ABLIM3: variants seen among roughly 807,000 people sequenced by gnomAD.
The protein encoded by ABLIM3 is actin-binding LIM protein 3.
A neutral mutation model predicts 109.5 loss-of-function variants in ABLIM3; 61 were observed. The ratio of observed to expected loss-of-function variants is 0.56; its 90% CI spans 0.45 to 0.69. The LOEUF (loss-of-function observed/expected upper bound fraction) is 0.69, where lower values mean the gene tolerates loss of function less well. ABLIM3 is among the 30% of genes least tolerant of loss of function. The pLI is 0.00. For synonymous variants in ABLIM3, 300 were observed against 324.8 expected, an observed-to-expected ratio of 0.92 and a Z score of 0.82; for missense variants, 796 against 889.5, an observed-to-expected ratio of 0.89 and a Z score of 1.34.
At chr5:149,240,835 C>G in intron 14 of ABLIM3, 61 bp downstream of exon 14, 1 of 1,493,384 alleles carries the variant, frequency 6.7e-7, no homozygotes, top group Non-Finnish European at 9.3e-7. Flanking sequence ...TCACAGGTGC[C>G]TGAGTCACCC....
intron 5 of ABLIM3, among the ~76,000 whole-genome samples, chr5:149,204,665 G>A (rs142252988): frequency 2.8e-4 from 43 of 152,316 alleles, no homozygotes; most frequent in Non-Finnish European, 5.7e-4. Flanking sequence ...GGATTCATAT[G>A]GGCCAAGCAT....
chr5:149,183,303 C>T lies in ABLIM3; in HGVS notation c.14-149C>T, dbSNP rs556220732. 3.3e-4 allele frequency: 309 copies of T among 940,978 alleles called. 5 individuals are homozygous for T. In the South Asian group the frequency reaches 6.3e-3, roughly 19 times the overall value. 58.3% of individuals were successfully genotyped at this position (940,978 alleles called of 1,614,324 possible). On this transcript the variant is annotated intron_variant, in intron 2 of 23. Coordinates refer to ENST00000309868, the MANE Select transcript of ABLIM3 (RefSeq NM_014945.5). ...ACCACTCAGTGCTGCCTTAGCTTGG[C>T]AGTCATCCTGATGATGAATTGAAGA...
At chr5:149,188,102 A>C (rs1017443422) in intron 3 of ABLIM3, among the ~76,000 whole-genome samples, 2 of 152,232 alleles carry the variant, frequency 1.3e-5, no homozygotes, top group Admixed American at 1.3e-4. Flanking sequence ...TGTAAGATCA[A>C]AAACAAGACA....
chr5:149,234,580 T>A (rs1447723303), intron 10 of ABLIM3, among the ~76,000 whole-genome samples: 1 of 152,140 alleles, frequency 6.6e-6, no homozygotes, highest in African/African-American at 2.4e-5. Flanking sequence ...AGAAAAACAC[T>A]TAAGAGTTAT....
In ABLIM3 at chr5:149,259,304, A is replaced by G. The variant is rs1754708631; in HGVS notation, c.*900A>G. 2 of 1,385,080 alleles carry G rather than the reference A, an allele frequency of 1.4e-6. No individual in the cohort carries two copies. Among genetic ancestry groups the G allele is most frequent in the Admixed American group, 3.0e-5 (1 of 33,276 alleles). The allele number at this position is 1,385,080 out of a possible 1,614,324, so 85.8% of individuals were successfully genotyped here. A position where few individuals can be genotyped will look rare whatever the true frequency, so the allele number is the denominator to read the frequency against. ...GGAGAAGCCCATGATTGCAGCTTGT[A>G]TTCTTTAGCCTTATTACAATCTATG... is the stretch of plus-strand genomic sequence containing the variant. On this transcript the variant is annotated 3_prime_UTR_variant, in exon 24 of 24. Coordinates refer to ENST00000309868, the MANE Select transcript of ABLIM3 (RefSeq NM_014945.5).
intron 1 of ABLIM3, 42 bp from the exon 2 acceptor site, chr5:149,141,967 G>A: frequency 3.8e-6 from 5 of 1,327,616 alleles, no homozygotes; most frequent in Non-Finnish European, 5.4e-6. Context: ...GAGAGCACCT[G>A]AGGATACAGA....
intron 2 of ABLIM3, among the ~76,000 whole-genome samples, chr5:149,144,120 A>G (rs1027452008): frequency 3.3e-5 from 5 of 152,262 alleles, no homozygotes; most frequent in Non-Finnish European, 5.9e-5. Context: ...TGGATACTGC[A>G]GAATATGAGG....
chr5:149,209,452 G>A (rs553275125), intron 6 of ABLIM3, among the ~76,000 whole-genome samples: 27 of 152,184 alleles, frequency 1.8e-4, no homozygotes, highest in Non-Finnish European at 4.4e-5. Flanking sequence ...GAGAGAAGAT[G>A]ATCTACCTGT....
Position 149,201,950 on chromosome 5 carries a change from C to T in ABLIM3, c.448+1522C>T, listed in dbSNP as rs78817065. The stretch of plus-strand genomic sequence containing the variant: ...AAAGAGGGATGGAATTTCCTATCTT[C>T]CTCACAGGAGCGTTGGGGAAAGCAA... On this transcript the variant is annotated intron_variant, in intron 5 of 23. Transcript: ENST00000309868. Among the ~76,000 whole-genome samples, 976 of 152,324 alleles carry T rather than the reference C, an allele frequency of 6.4e-3. 11 individuals are homozygous for T. Among genetic ancestry groups the T allele is most frequent in the African/African-American group, 0.022 (923 of 41,576 alleles).
intron 11 of ABLIM3, among the ~76,000 whole-genome samples, chr5:149,238,903 CA>C (rs34577546): frequency 0.41 from 61,734 of 151,978 alleles, 12,874 homozygotes; most frequent in East Asian, 0.59. Context: ...AGTAGAGAGA[CA>C]AGGAAAGGGT....
intron 8 of ABLIM3, among the ~76,000 whole-genome samples, chr5:149,222,281 A>T (rs1405771068): frequency 1.3e-5 from 2 of 152,086 alleles, no homozygotes; most frequent in Non-Finnish European, 2.9e-5. Flanking sequence ...AAAACTATTA[A>T]TGTCCTCATT....
intron 8 of ABLIM3, chr5:149,220,827 T>C (rs1760571555): frequency 6.6e-6 from 1 of 152,176 alleles, no homozygotes; most frequent in African/African-American, 2.4e-5. Flanking sequence ...TCATCGTCTT[T>C]CATTGATCCA....
chr5:149,237,659 G>A, intron 11 of ABLIM3, 56 bp downstream of exon 11: 3 of 1,603,680 alleles, frequency 1.9e-6, no homozygotes, highest in African/African-American at 1.3e-5. Flanking sequence ...ATTGCTCTGG[G>A]GTCCCCAGCC....
At position 149,259,018 on chromosome 5, in the gene ABLIM3, C is replaced by T. The variant is rs1045157640; in HGVS notation, c.*614C>T. 7.0e-6 allele frequency: 7 copies of T among 999,822 alleles called. No homozygotes were observed. In the African/African-American group the frequency reaches 1.2e-4, roughly 17 times the overall value. The allele number at this position is 999,822 out of a possible 1,614,324, so 61.9% of individuals were successfully genotyped here. On this transcript the variant is annotated 3_prime_UTR_variant, in exon 24 of 24. Coordinates refer to ENST00000309868, the MANE Select transcript of ABLIM3 (RefSeq NM_014945.5). The stretch of plus-strand genomic sequence containing the variant: ...GGCCTCTCCTCAGCTCCTTAACCCT[C>T]CTCCTTCTGCCCTGGATTGTAACCT...
chr5:149,252,483 G>T, intron 22 of ABLIM3: 1 of 544,450 alleles, frequency 1.8e-6, no homozygotes, highest in Non-Finnish European at 3.2e-6. Flanking sequence ...ACTTACATTC[G>T]GGAGGTCATG....
intron 2 of ABLIM3, among the ~76,000 whole-genome samples, chr5:149,151,665 C>T (rs1753444888): frequency 6.6e-6 from 1 of 152,248 alleles, no homozygotes. Context: ...GAGGTCCCCA[C>T]ATGGGAAGAC....
chr5:149,232,683 T>C (rs1036679239), intron 9 of ABLIM3, among the ~76,000 whole-genome samples: 2 of 152,206 alleles, frequency 1.3e-5, no homozygotes, highest in Non-Finnish European at 2.9e-5. Flanking sequence ...GCAGGCACCC[T>C]CTTATGCATT....
intron 2 of ABLIM3, among the ~76,000 whole-genome samples, chr5:149,156,681 A>T (rs1176010486): frequency 1.3e-5 from 2 of 152,214 alleles, no homozygotes; most frequent in East Asian, 3.8e-4. Flanking sequence ...TCTTGGCATG[A>T]GTCAGGTGTG....
At chr5:149,148,822 C>T (rs1000416878) in intron 2 of ABLIM3, among the ~76,000 whole-genome samples, 1 of 152,148 alleles carries the variant, frequency 6.6e-6, no homozygotes, top group Non-Finnish European at 1.5e-5. Context: ...ACTTTACATG[C>T]ATGGTTCCTT....
Sources: allele counts gnomAD v4.1 joint callset (sites outside exome capture counted in the v4.1 genomes callset), GRCh38; gene constraint gnomAD v4.1.1; transcripts MANE v1.5; gene names NCBI Gene and HGNC (gene_info 2026-07-23, HGNC 2026-07-21).